Variants in TSPAN18 observed in about 807,000 individuals in gnomAD.
TSPAN18 encodes tetraspanin 18.
In TSPAN18, 14 loss-of-function variants were observed where a neutral mutation model predicts 27.3. The ratio of observed to expected loss-of-function variants is 0.51; its 90% confidence interval spans 0.34 to 0.80. The LOEUF (loss-of-function observed/expected upper bound fraction) is 0.80. Ranked by LOEUF, TSPAN18 falls within the 30% of genes least tolerant of loss-of-function variation. The pLI, the probability that TSPAN18 is intolerant of heterozygous loss-of-function variation, is 0.01. For synonymous variants in TSPAN18, 143 were observed against 136.5 expected, an observed-to-expected ratio of 1.05 and a Z score of -0.33; for missense variants, 268 against 323.9, an observed-to-expected ratio of 0.83 and a Z score of 1.32.
intron 1 of TSPAN18, among the ~76,000 whole-genome samples, chr11:44,754,856 G>A (rs906792011): frequency 3.3e-5 from 5 of 152,204 alleles, no homozygotes; most frequent in Non-Finnish European, 7.3e-5. Context: ...AGCACAAAGA[G>A]GGAGCAGATG....
chr11:44,731,984 C>T (rs1447926335), intron 1 of TSPAN18, among the ~76,000 whole-genome samples: 1 of 152,246 alleles, frequency 6.6e-6, no homozygotes, highest in Non-Finnish European at 1.5e-5. Flanking sequence ...AAGCCATCTT[C>T]CTAGAAGACA....
intron 2 of TSPAN18, among the ~76,000 whole-genome samples, chr11:44,837,512 T>C (rs892942523): frequency 5.3e-5 from 8 of 152,232 alleles, no homozygotes; most frequent in African/African-American, 1.9e-4. Context: ...TACATGAACT[T>C]AGTTGCTAAA....
chr11:44,760,553 AAC>A (rs1204723625), intron 1 of TSPAN18, among the ~76,000 whole-genome samples: 2 of 152,240 alleles, frequency 1.3e-5, no homozygotes, highest in African/African-American at 2.4e-5. Flanking sequence ...TTAAAACAGT[AAC>A]AGTAGAGTAG....
At chr11:44,819,596 C>T (rs1477032858) in intron 2 of TSPAN18, among the ~76,000 whole-genome samples, 2 of 152,108 alleles carry the variant, frequency 1.3e-5, no homozygotes, top group East Asian at 1.9e-4. Flanking sequence ...AATAGACGCT[C>T]ATGCTGCTCT....
At chr11:44,906,651 C>G (rs1859464063) in intron 4 of TSPAN18, among the ~76,000 whole-genome samples, 172 bp downstream of exon 4, 1 of 152,202 alleles carries the variant, frequency 6.6e-6, no homozygotes, top group Non-Finnish European at 1.5e-5. Flanking sequence ...GTGCCCACCC[C>G]ACTCTGAAGA....
chr11:44,778,703 TACTC>T (rs2134941979), intron 2 of TSPAN18, among the ~76,000 whole-genome samples: 1 of 152,342 alleles, frequency 6.6e-6, no homozygotes, highest in South Asian at 2.1e-4. Context: ...TGTGTGCACT[TACTC>T]TGGCTGGTGC....
At chr11:44,839,512 C>T (rs774225847) in intron 2 of TSPAN18, among the ~76,000 whole-genome samples, 1 of 152,160 alleles carries the variant, frequency 6.6e-6, no homozygotes, top group Non-Finnish European at 1.5e-5. Context: ...TCTGTCCCAC[C>T]TGCAACAGCT....
intron 3 of TSPAN18, among the ~76,000 whole-genome samples, chr11:44,881,130 C>T (rs1269077729): frequency 6.6e-6 from 1 of 152,234 alleles, no homozygotes; most frequent in Non-Finnish European, 1.5e-5. Flanking sequence ...CCTCTCTGAG[C>T]CTCAGTCTTC....
chr11:44,751,168 C>T (rs1855201991), intron 1 of TSPAN18, among the ~76,000 whole-genome samples: 1 of 152,160 alleles, frequency 6.6e-6, no homozygotes, highest in South Asian at 2.1e-4. Context: ...CTGGTGCCTG[C>T]CAGCAAGTGT....
chr11:44,745,301 T>C (rs981307885), intron 1 of TSPAN18, among the ~76,000 whole-genome samples: 3 of 152,206 alleles, frequency 2.0e-5, no homozygotes. Context: ...ACAGTAAGTA[T>C]AACCACTGAC....
In TSPAN18 at chr11:44,928,530, T is replaced by A. The variant is rs1455103754; in HGVS notation, c.700-601T>A. Among the ~76,000 whole-genome samples, 3 of 152,158 alleles carry A rather than the reference T, an allele frequency of 2.0e-5. No individual in the cohort carries two copies. The East Asian group carries it at 5.8e-4, about 29-fold the overall frequency. Reference sequence around the variant, plus strand: ...GGCTGGGCGCTGTGGCTCACGCCTGTAAATCCTAGCACTTTGGGAGGCCGA... The same window carrying A: ...GGCTGGGCGCTGTGGCTCACGCCTGAAAATCCTAGCACTTTGGGAGGCCGA... On this transcript the variant is annotated intron_variant, in intron 9 of 9. Transcript: ENST00000520358.
chr11:44,749,588 CA>C (rs1855160217), intron 1 of TSPAN18, among the ~76,000 whole-genome samples: 1 of 150,478 alleles, frequency 6.6e-6, no homozygotes, highest in Admixed American at 6.6e-5. Flanking sequence ...TGATTTACTG[CA>C]GTGGTATTCA....
intron 8 of TSPAN18, among the ~76,000 whole-genome samples, chr11:44,921,706 C>T (rs542181281): frequency 6.6e-6 from 1 of 152,282 alleles, no homozygotes; most frequent in South Asian, 2.1e-4. Context: ...ATGTGAAAGA[C>T]CAGTGAATTT....
At chr11:44,810,640 C>T (rs958407329) in intron 2 of TSPAN18, among the ~76,000 whole-genome samples, 1 of 150,024 alleles carries the variant, frequency 6.7e-6, no homozygotes, top group African/African-American at 2.5e-5. Flanking sequence ...CTCACTGTGC[C>T]ACCCAAGCTG....
intron 3 of TSPAN18, among the ~76,000 whole-genome samples, chr11:44,895,161 T>A (rs1466174858): frequency 6.6e-6 from 1 of 152,190 alleles, no homozygotes; most frequent in Admixed American, 6.5e-5. Context: ...TTGTGGCAAT[T>A]TGTTAGAATT....
At chr11:44,758,285 T>G (rs914399239) in intron 1 of TSPAN18, among the ~76,000 whole-genome samples, 1 of 152,248 alleles carries the variant, frequency 6.6e-6, no homozygotes, top group Non-Finnish European at 1.5e-5. Context: ...TGTCAAATGC[T>G]TTATGCACCA....
At chr11:44,785,786 T>G (rs893418554) in intron 2 of TSPAN18, among the ~76,000 whole-genome samples, 3 of 152,218 alleles carry the variant, frequency 2.0e-5, no homozygotes, top group African/African-American at 7.2e-5. Flanking sequence ...TCCTGGGGTC[T>G]CTCAATCTTG....
intron 2 of TSPAN18, among the ~76,000 whole-genome samples, chr11:44,807,170 T>C (rs1856609765): frequency 8.2e-6 from 1 of 122,664 alleles, no homozygotes; most frequent in Non-Finnish European, 1.6e-5. Flanking sequence ...CCAGCCTGGC[T>C]AAGTAGCAAG....
chr11:44,845,832 A>T (rs1019662197), intron 2 of TSPAN18, among the ~76,000 whole-genome samples: 3 of 152,182 alleles, frequency 2.0e-5, no homozygotes, highest in African/African-American at 7.2e-5. Context: ...GTGGGTAGGC[A>T]CCACCTGTGC....
Sources: gnomAD v4.1 joint callset for allele counts (sites outside exome capture counted in the v4.1 genomes callset) on GRCh38, gnomAD v4.1.1 for gene constraint, MANE v1.5 for transcripts, NCBI Gene and HGNC (gene_info 2026-07-23, HGNC 2026-07-21) for gene names.